SLC16A2: variants seen among roughly 807,000 people sequenced by gnomAD.
SLC16A2 encodes monocarboxylate transporter 8.
SLC16A2 carries 3 observed loss-of-function variants against 27.2 expected under a neutral mutation model. The observed-to-expected ratio is 0.11, with a 90% CI of 0.05 to 0.28. SLC16A2 has a LOEUF of 0.28. Among genes scored for constraint, SLC16A2 ranks in the 10% least tolerant of loss-of-function variants. The pLI, the probability that SLC16A2 is intolerant of heterozygous loss-of-function variation, is 1.00. For synonymous variants in SLC16A2, 202 were observed against 187.8 expected (o/e 1.08, Z -0.62); for missense variants, 295 against 458.5 (o/e 0.64, Z 3.26).
In SLC16A2 at chrX:74,462,351, G is replaced by A. The variant is rs56675066; in HGVS notation, c.430+40284G>A. ...TTGTTTGTTTTTGAGATGGAGTCTC[G>A]CCCTGTCACCCAGGCTGGAGTGCAA... is the stretch of plus-strand genomic sequence containing the variant. On this transcript the variant is annotated intron_variant, in intron 1 of 5. Transcript: ENST00000587091. 2.0e-3 allele frequency among the ~76,000 whole-genome samples: 225 copies of A among 111,375 alleles called. 2 individuals are homozygous for A. In the East Asian group the frequency reaches 0.047, roughly 23 times the overall value.
At chrX:74,494,846 A>G (rs1490240069) in intron 1 of SLC16A2, among the ~76,000 whole-genome samples, 1 of 111,273 alleles carries the variant, frequency 9.0e-6, no homozygotes, top group Non-Finnish European at 1.9e-5. Context: ...AAACTCCTGT[A>G]TGTGCTATAA....
intron 1 of SLC16A2, among the ~76,000 whole-genome samples, chrX:74,423,563 T>C (rs1928352351): frequency 9.0e-6 from 1 of 111,648 alleles, no homozygotes; most frequent in Non-Finnish European, 1.9e-5. Context: ...CCGATGAAGA[T>C]AGTGCGTCAG....
chrX:74,524,849 A>G, intron 3 of SLC16A2, 40 bp downstream of exon 3: 1 of 1,122,819 alleles, frequency 8.9e-7, no homozygotes. Flanking sequence ...CCTGGCCCCA[A>G]GAAGCTACCC....
intron 1 of SLC16A2, among the ~76,000 whole-genome samples, chrX:74,506,943 T>A (rs112293963): frequency 0.45 from 36,748 of 81,912 alleles, 8,519 homozygotes; most frequent in Non-Finnish European, 0.63. Context: ...ATTTATTTTT[T>A]TTTTTTTGAG....
chrX:74,476,201 C>T lies in SLC16A2; in HGVS notation c.431-44789C>T, dbSNP rs774233123. On this transcript the variant is annotated intron_variant, in intron 1 of 5. Coordinates refer to ENST00000587091, the MANE Select transcript of SLC16A2 (RefSeq NM_006517.5). ...CTCCTTGAAGAGGTCCTTCACATCCCTTGTAAGTTGGATTCCTAGGTATTT... is the reference window on the plus strand; with the variant it reads ...CTCCTTGAAGAGGTCCTTCACATCCTTTGTAAGTTGGATTCCTAGGTATTT... 8.1e-5 allele frequency among the ~76,000 whole-genome samples: 9 copies of T among 111,773 alleles called. No individual in the cohort carries two copies. The East Asian group carries it at 2.5e-3, about 31-fold the overall frequency.
chrX:74,520,529 A>G (rs953301974), intron 1 of SLC16A2, among the ~76,000 whole-genome samples: 3 of 111,793 alleles, frequency 2.7e-5, no homozygotes, highest in African/African-American at 9.8e-5. Flanking sequence ...ACTCTTGCAC[A>G]GTGTCCTTAG....
At chrX:74,451,103 T>C (rs1399298687) in intron 1 of SLC16A2, among the ~76,000 whole-genome samples, 2 of 111,710 alleles carry the variant, frequency 1.8e-5, no homozygotes, top group African/African-American at 6.5e-5. Flanking sequence ...TAAAATGACA[T>C]TTAAGAGACC....
chrX:74,528,346 C>T (rs1225202762), intron 4 of SLC16A2, among the ~76,000 whole-genome samples: 2 of 109,934 alleles, frequency 1.8e-5, no homozygotes, highest in Non-Finnish European at 3.8e-5. Context: ...AAATGAAGAC[C>T]AGCTGTGTTT....
At position 74,439,158 on chromosome X, in the gene SLC16A2, C is replaced by CTCTTTCTTTCTTTCTTTCTTTCTT. The variant is rs765500073; in HGVS notation, c.430+17097_430+17120dup. 1.4e-3 allele frequency among the ~76,000 whole-genome samples: 87 copies of CTCTTTCTTTCTTTCTTTCTTTCTT among 62,200 alleles called. 1 individual carries two copies. Among genetic ancestry groups the CTCTTTCTTTCTTTCTTTCTTTCTT allele is most frequent in the African/African-American group, 6.6e-3 (84 of 12,673 alleles). The allele number at this position is 62,200 out of a possible 115,157, so 54.0% of individuals were successfully genotyped here. ...CTCTCTCTCTCTCTGGCTTGCTCAACTCTTTCTTTCTTTCTTTCTTTCTTT... is the reference window on the plus strand; with the variant it reads ...CTCTCTCTCTCTCTGGCTTGCTCAACTCTTTCTTTCTTTCTTTCTTTCTTTCTTTCTTTCTTTCTTTCTTTCTTT... On this transcript the variant is annotated intron_variant, in intron 1 of 5. Coordinates refer to ENST00000587091, the MANE Select transcript of SLC16A2 (RefSeq NM_006517.5).
intron 1 of SLC16A2, among the ~76,000 whole-genome samples, chrX:74,463,801 A>G (rs1031403993): frequency 3.6e-5 from 4 of 112,507 alleles, no homozygotes; most frequent in African/African-American, 1.3e-4. Context: ...TGCTGGGATT[A>G]CAGGCGTGAG....
intron 1 of SLC16A2, among the ~76,000 whole-genome samples, chrX:74,448,947 T>A (rs1165116620): frequency 9.0e-6 from 1 of 111,514 alleles, no homozygotes; most frequent in Non-Finnish European, 1.9e-5. Flanking sequence ...CATGCCCGCA[T>A]CTTTAGCTGT....
intron 2 of SLC16A2, among the ~76,000 whole-genome samples, chrX:74,521,830 G>C (rs1249139089): frequency 8.9e-6 from 1 of 112,127 alleles, no homozygotes; most frequent in African/African-American, 3.2e-5. Context: ...CAGCTACCCA[G>C]CTAGGCCTGG....
chrX:74,506,208 C>T (rs751547510), intron 1 of SLC16A2, among the ~76,000 whole-genome samples: 1 of 111,831 alleles, frequency 8.9e-6, no homozygotes, highest in Admixed American at 9.5e-5. Context: ...TCCAACCCAC[C>T]ATTTAAAGGT....
chrX:74,467,329 G>GAC (rs1929270046), intron 1 of SLC16A2, among the ~76,000 whole-genome samples: 3 of 111,565 alleles, frequency 2.7e-5, no homozygotes, highest in African/African-American at 9.8e-5. Context: ...GGGGTCTAAG[G>GAC]CTAAGGGGGG....
chrX:74,490,287 A>G (rs752581531), intron 1 of SLC16A2, among the ~76,000 whole-genome samples: 1 of 110,682 alleles, frequency 9.0e-6, no homozygotes, highest in East Asian at 2.8e-4. Flanking sequence ...TAGAGGTGCC[A>G]TAAAACCAAT....
intron 1 of SLC16A2, among the ~76,000 whole-genome samples, chrX:74,480,197 A>T (rs1033101649): frequency 1.8e-5 from 2 of 111,929 alleles, no homozygotes; most frequent in Non-Finnish European, 3.8e-5. Context: ...CGTCCCTCCC[A>T]CAGCCTCACT....
chrX:74,442,655 C>T (rs375171497), intron 1 of SLC16A2, among the ~76,000 whole-genome samples: 1 of 111,952 alleles, frequency 8.9e-6, no homozygotes, highest in South Asian at 3.7e-4. Context: ...AGGATTAGTC[C>T]CATTAAGACC....
At position 74,470,932 on chromosome X, in the gene SLC16A2, C is replaced by T. The variant is rs905817544; in HGVS notation, c.430+48865C>T. 5.5e-5 allele frequency among the ~76,000 whole-genome samples: 6 copies of T among 109,416 alleles called. 1 individual carries two copies. In the South Asian group the frequency reaches 1.6e-3, roughly 28 times the overall value. On this transcript the variant is annotated intron_variant, in intron 1 of 5. Transcript: ENST00000587091. ...CAGCCTGGGCTACAGAGCGAGACTCCGTCTCAAAAAAAAAAAATCAAGTTA... is the reference window on the plus strand; with the variant it reads ...CAGCCTGGGCTACAGAGCGAGACTCTGTCTCAAAAAAAAAAAATCAAGTTA...
At chrX:74,447,451 T>C (rs1928857599) in intron 1 of SLC16A2, among the ~76,000 whole-genome samples, 1 of 110,574 alleles carries the variant, frequency 9.0e-6, no homozygotes, top group African/African-American at 3.3e-5. Flanking sequence ...GGTGGGAGGA[T>C]CACTTGAGGC....
Sources: gnomAD v4.1 joint callset for allele counts (sites outside exome capture counted in the v4.1 genomes callset) on GRCh38, gnomAD v4.1.1 for gene constraint, MANE v1.5 for transcripts, NCBI Gene and HGNC (gene_info 2026-07-23, HGNC 2026-07-21) for gene names.